Variants in TTLL8 observed in about 807,000 individuals in gnomAD.
The protein encoded by TTLL8 is tubulin tyrosine ligase like 8.
Under a neutral mutation model 77.8 loss-of-function variants are expected in TTLL8, and 65 were observed. The observed-to-expected ratio is 0.84, with a 90% confidence interval of 0.68 to 1.03. The LOEUF is 1.03. Ranked by LOEUF, TTLL8 falls within the 50% of genes least tolerant of loss-of-function variation. The probability of loss-of-function intolerance (pLI) is 0.00; values close to 1 mark genes in which losing one functional copy is unlikely to be tolerated. For missense variants in TTLL8, 910 were observed against 1,004.5 expected (o/e 0.91, Z 1.27); for synonymous variants, 402 against 422.8 (o/e 0.95, Z 0.60).
intron 1 of TTLL8, among the ~76,000 whole-genome samples, chr22:50,051,384 G>A (rs2061442984): frequency 6.6e-6 from 1 of 152,250 alleles, no homozygotes; most frequent in Non-Finnish European, 1.5e-5. Flanking sequence ...TCTTATGGCT[G>A]AGCAGTATTC....
intron 8 of TTLL8, among the ~76,000 whole-genome samples, chr22:50,038,355 C>T (rs906824382): frequency 6.0e-5 from 9 of 149,690 alleles, no homozygotes; most frequent in Admixed American, 6.0e-4. Context: ...TTATGCCTTA[C>T]TTTTTTTTTT....
intron 4 of TTLL8, among the ~76,000 whole-genome samples, chr22:50,046,582 G>A (rs2061413284): frequency 6.6e-6 from 1 of 152,238 alleles, no homozygotes; most frequent in African/African-American, 2.4e-5. Context: ...CCTGACCCTG[G>A]GGTATTAGGT....
chr22:50,027,133 G>A (rs897782893), intron 12 of TTLL8, among the ~76,000 whole-genome samples: 1 of 152,058 alleles, frequency 6.6e-6, no homozygotes, highest in Non-Finnish European at 1.5e-5. Context: ...CTACTCAGGG[G>A]GCTGAGGCAG....
intron 8 of TTLL8, among the ~76,000 whole-genome samples, chr22:50,035,378 G>C (rs1024723797): frequency 1.3e-5 from 2 of 152,198 alleles, no homozygotes; most frequent in African/African-American, 4.8e-5. Flanking sequence ...CTTGAAGGGA[G>C]AAGTGAGGCT....
upstream of TTLL8, chr22:50,055,119 G>A: frequency 5.9e-6 from 7 of 1,179,038 alleles, no homozygotes; most frequent in Non-Finnish European, 6.4e-6. Flanking sequence ...CAGGGAGGAG[G>A]CTGCAGCTCG....
At position 50,049,709 on chromosome 22, in the gene TTLL8, A is replaced by G. The variant is rs182707571; in HGVS notation, c.191-387T>C. On this transcript the variant is annotated intron_variant, in intron 2 of 13. Transcript: ENST00000266182. ...AGGGGGACATTTGATCCGGGTCTCAATGGGGCCAAGAGGATGCAGACACAG... is the reference window on the plus strand; with the variant it reads ...AGGGGGACATTTGATCCGGGTCTCAGTGGGGCCAAGAGGATGCAGACACAG... 3.9e-5 allele frequency among the ~76,000 whole-genome samples: 6 copies of G among 152,178 alleles called. No individual in the cohort carries two copies. The East Asian group carries it at 7.7e-4, about 20-fold the overall frequency.
exon 12 of TTLL8, chr22:50,030,825 TTGAGGTTGCAGACGGGCAGCACCTGCC>T (rs1163493055): frequency 2.2e-6 from 3 of 1,347,590 alleles, no homozygotes; most frequent in South Asian, 2.4e-5. Context: ...GGCCGAGGCC[TTGAGGTTGCAGACGGGCAGCACCTGCC>T]TCCTGGCTCT....
rs1203946436 is a variant in TTLL8, at chr22:50,036,021, G to A, written c.922-1559C>T. On this transcript the variant is annotated intron_variant, in intron 8 of 13. Transcript: ENST00000266182. ...CCCAGCGGAGCACCGCGCAGGAGCT[G>A]GCAAAGTCCAGGAACCATGAGATGC... 2.0e-5 allele frequency among the ~76,000 whole-genome samples: 3 copies of A among 152,344 alleles called. No individual in the cohort carries two copies. The South Asian group carries it at 6.2e-4, about 32-fold the overall frequency.
At chr22:50,057,696 C>CGGGGTCAGGTCTGGGTT, upstream of TTLL8, among the ~76,000 whole-genome samples, 1 of 19,732 alleles carries the variant, frequency 5.1e-5, no homozygotes, top group East Asian at 2.0e-3. Context: ...AGGTCTGGGT[C>CGGGGTCAGGTCTGGGTT]GGGGTCAGGT....
chr22:50,023,456 G>A (rs922601174), intron 12 of TTLL8, among the ~76,000 whole-genome samples: 20 of 152,066 alleles, frequency 1.3e-4, no homozygotes, highest in Non-Finnish European at 8.8e-5. Context: ...AGGCCGAGGC[G>A]GGTGGATCAC....
chr22:50,050,113 G>T (rs765940306), exon 2 of TTLL8: 1 of 1,366,876 alleles, frequency 7.3e-7, no homozygotes, highest in East Asian at 4.6e-5. Flanking sequence ...CGCTACCATT[G>T]ACCCGGGCGC....
chr22:50,040,922 C>A (rs549817149), intron 8 of TTLL8, among the ~76,000 whole-genome samples: 1 of 152,260 alleles, frequency 6.6e-6, no homozygotes, highest in South Asian at 2.1e-4. Context: ...AGAACTGGGC[C>A]CTCAGCAGGG....
chr22:50,036,687 C>T (rs1478635887), intron 8 of TTLL8, among the ~76,000 whole-genome samples: 1 of 151,880 alleles, frequency 6.6e-6, no homozygotes, highest in Non-Finnish European at 1.5e-5. Flanking sequence ...GCAACCTCCA[C>T]CTCCCAATTC....
chr22:50,040,930 G>T (rs562353459), intron 8 of TTLL8, among the ~76,000 whole-genome samples: 1 of 152,312 alleles, frequency 6.6e-6, no homozygotes, highest in South Asian at 2.1e-4. Context: ...GCCCTCAGCA[G>T]GGGGCAAGAA....
rs556052830 is a variant in TTLL8 at position 50,054,065 on chromosome 22, A to G, written c.51+511T>C. Reference sequence around the variant, plus strand: ...GGGTGTGTCTGGCCATAACCTCACCATGCCGTGCACCTGCAGTCTGTGCAC... The same window carrying G: ...GGGTGTGTCTGGCCATAACCTCACCGTGCCGTGCACCTGCAGTCTGTGCAC... On this transcript the variant is annotated intron_variant, in intron 1 of 13. Transcript: ENST00000266182. 2.1e-4 allele frequency among the ~76,000 whole-genome samples: 31 copies of G among 151,060 alleles called. No individual in the cohort carries two copies. The East Asian group carries it at 5.6e-3, about 27-fold the overall frequency.
chr22:50,050,204 C>T lies in TTLL8; in HGVS notation c.95G>A (p.Arg32Gln), dbSNP rs538048026. The T allele has an allele frequency of 6.6e-5, 89 of 1,358,708 alleles. 1 individual carries two copies. Among genetic ancestry groups the T allele is most frequent in the Non-Finnish European group, 7.9e-5 (80 of 1,018,238 alleles). 84.2% of individuals were successfully genotyped at this position (1,358,708 alleles called of 1,614,324 possible). The change falls in exon 2 of 14, where the codon CGG becomes CAG. Residue 32 changes from arginine (R) to glutamine (Q), a missense_variant. By Grantham distance (43) the Arg-to-Gln change is conservative. Around this residue, in one of 2 missense-constraint regions of TTLL8, gnomAD observed 776 missense variants for 926.1 expected, o/e 0.84. Coordinates refer to ENST00000266182, the Ensembl canonical transcript of TTLL8. ...CCAGCCCTTCCTTCGCAGAGCGGCCCGGACCACCGGGTAGTGTCCGTAGAT... is the reference window on the plus strand; with the variant it reads ...CCAGCCCTTCCTTCGCAGAGCGGCCTGGACCACCGGGTAGTGTCCGTAGAT...
intron 1 of TTLL8, among the ~76,000 whole-genome samples, chr22:50,050,836 C>T (rs1044554870): frequency 5.9e-5 from 9 of 152,222 alleles, no homozygotes; most frequent in South Asian, 4.1e-4. Context: ...TGATGTATCA[C>T]GACCCTTTCA....
chr22:50,046,629 C>T (rs1451741459), intron 4 of TTLL8, among the ~76,000 whole-genome samples: 1 of 152,250 alleles, frequency 6.6e-6, no homozygotes, highest in Non-Finnish European at 1.5e-5. Context: ...CCGCCCCACA[C>T]TGTGCTGAGG....
chr22:50,027,077 T>A (rs565798012), intron 12 of TTLL8, among the ~76,000 whole-genome samples: 9 of 150,892 alleles, frequency 6.0e-5, no homozygotes, highest in Non-Finnish European at 1.3e-4. Flanking sequence ...CTACTAAAAA[T>A]ACAAAAAAAT....
Sources: gnomAD v4.1 joint callset for allele counts (sites outside exome capture counted in the v4.1 genomes callset) on GRCh38, gnomAD v4.1.1 for gene constraint, gnomAD v4.1.1 regional missense constraint, MANE v1.5 for transcripts, NCBI Gene and HGNC (gene_info 2026-07-23, HGNC 2026-07-21) for gene names.